The following SLCO3A1 variants were observed in gnomAD, a reference collection of about 807,000 sequenced individuals.
The protein encoded by SLCO3A1 is solute carrier organic anion transporter family member 3A1, also known as PGE1 transporter.
Under a neutral mutation model 63.1 loss-of-function variants are expected in SLCO3A1, and 27 were observed. The observed-to-expected ratio is 0.43, with a 90% confidence interval of 0.32 to 0.59. The LOEUF (loss-of-function observed/expected upper bound fraction) is 0.59, where lower values mean the gene tolerates loss of function less well. Among genes scored for constraint, SLCO3A1 ranks in the 20% least tolerant of loss-of-function variants. SLCO3A1 has a pLI of 0.09. For missense variants in SLCO3A1, 773 were observed against 945.8 expected (o/e 0.82, Z 2.40); for synonymous variants, 473 against 409.9 (o/e 1.15, Z -1.86).
At chr15:92,002,003 A>G (rs942948206) in intron 2 of SLCO3A1, among the ~76,000 whole-genome samples, 2 of 151,870 alleles carry the variant, frequency 1.3e-5, no homozygotes, top group Admixed American at 6.6e-5. Context: ...GGATCATTAG[A>G]GCCTCCTCTT....
At chr15:92,000,698 A>G (rs1283734936) in intron 2 of SLCO3A1, among the ~76,000 whole-genome samples, 2 of 152,274 alleles carry the variant, frequency 1.3e-5, no homozygotes, top group Admixed American at 6.5e-5. Flanking sequence ...AGCAACAGCC[A>G]TCAGCACTTT....
chr15:91,871,751 TTTG>T (rs1242550017), intron 1 of SLCO3A1, among the ~76,000 whole-genome samples: 5 of 117,222 alleles, frequency 4.3e-5, no homozygotes, highest in African/African-American at 1.9e-4. Flanking sequence ...GTGTGCTCAT[TTTG>T]TTTTTTTTTG....
chr15:91,985,525 T>C (rs577488666), intron 2 of SLCO3A1, among the ~76,000 whole-genome samples: 1 of 152,348 alleles, frequency 6.6e-6, no homozygotes, highest in South Asian at 2.1e-4. Flanking sequence ...TCATTGTTAG[T>C]AATACTGCCC....
chr15:91,935,837 C>A (rs563050005), intron 2 of SLCO3A1, among the ~76,000 whole-genome samples: 18 of 148,058 alleles, frequency 1.2e-4, no homozygotes, highest in African/African-American at 4.2e-4. Flanking sequence ...TTCTGTTTAA[C>A]CAATCTCAGT....
At chr15:92,142,636 G>A (rs948602524) in intron 7 of SLCO3A1, among the ~76,000 whole-genome samples, 4 of 152,112 alleles carry the variant, frequency 2.6e-5, no homozygotes, top group South Asian at 2.1e-4. Context: ...CCTTTGTTTC[G>A]GCTGCAAATC....
In SLCO3A1 at chr15:92,033,453, G is replaced by A. The variant is rs900796910; in HGVS notation, c.647-61428G>A. Reference sequence around the variant, plus strand: ...CACGCTTGGGCAGCTGGATGGACACGTCGTGGAGTGAAAACCTAAAGGGAA... The same window carrying A: ...CACGCTTGGGCAGCTGGATGGACACATCGTGGAGTGAAAACCTAAAGGGAA... On this transcript the variant is annotated intron_variant, in intron 2 of 9. Transcript: ENST00000318445. The surrounding 1 kb of genome is among the most constrained non-coding windows in gnomAD (Gnocchi z 4.5). Among the ~76,000 whole-genome samples the A allele has an allele frequency of 7.9e-5, 12 of 152,304 alleles. No homozygotes were observed. The South Asian group carries it at 1.9e-3, about 24-fold the overall frequency.
chr15:91,988,541 A>C (rs2046084325), intron 2 of SLCO3A1, among the ~76,000 whole-genome samples: 1 of 141,194 alleles, frequency 7.1e-6, no homozygotes, highest in Admixed American at 7.0e-5. Context: ...ATAAAAAGGA[A>C]ACGTGCAGAT....
intron 7 of SLCO3A1, among the ~76,000 whole-genome samples, chr15:92,139,303 G>C (rs1237009162): frequency 1.4e-5 from 2 of 147,690 alleles, no homozygotes; most frequent in Non-Finnish European, 3.0e-5. Flanking sequence ...TATTGAACCA[G>C]CCTTGCATCC....
chr15:92,049,552 C>G (rs972093147), intron 2 of SLCO3A1, among the ~76,000 whole-genome samples: 1 of 152,150 alleles, frequency 6.6e-6, no homozygotes, highest in Non-Finnish European at 1.5e-5. Context: ...CCACAGCATC[C>G]TACAAAGTGA....
At chr15:92,097,181 G>C (rs1003312341) in intron 3 of SLCO3A1, among the ~76,000 whole-genome samples, 1 of 152,174 alleles carries the variant, frequency 6.6e-6, no homozygotes, top group African/African-American at 2.4e-5. Flanking sequence ...TATCTGAGCT[G>C]GAAAGAGCCT....
At chr15:91,868,803 A>T (rs1897228423) in intron 1 of SLCO3A1, among the ~76,000 whole-genome samples, 1 of 152,276 alleles carries the variant, frequency 6.6e-6, no homozygotes, top group Non-Finnish European at 1.5e-5. Flanking sequence ...CGTGATTTTT[A>T]AAAAGTAATA....
Position 92,074,772 on chromosome 15 carries a change from G to T in SLCO3A1, c.647-20109G>T, listed in dbSNP as rs547138774. 8.3e-5 allele frequency among the ~76,000 whole-genome samples: 7 copies of T among 84,422 alleles called. No homozygotes were observed. The South Asian group carries it at 1.8e-3, about 22-fold the overall frequency. The allele number at this position is 84,422 out of a possible 152,430, so 55.4% of individuals were successfully genotyped here. Reference sequence around the variant, plus strand: ...CTGGGAATCTCGAGAGAGCTGACAAGCAGGGCGGTGGGGGGTGGCCAGGAG... The same window carrying T: ...CTGGGAATCTCGAGAGAGCTGACAATCAGGGCGGTGGGGGGTGGCCAGGAG... On this transcript the variant is annotated intron_variant, in intron 2 of 9. Coordinates refer to ENST00000318445, the MANE Select transcript of SLCO3A1 (RefSeq NM_013272.4).
chr15:92,133,435 AGTCTGCG>A (rs2151573468), intron 7 of SLCO3A1, among the ~76,000 whole-genome samples: 1 of 146,304 alleles, frequency 6.8e-6, no homozygotes, highest in South Asian at 2.2e-4. Flanking sequence ...CACCAGTGCC[AGTCTGCG>A]GTACTGGTAC....
At chr15:92,069,774 G>C (rs1467899554) in intron 2 of SLCO3A1, among the ~76,000 whole-genome samples, 1 of 152,168 alleles carries the variant, frequency 6.6e-6, no homozygotes, top group South Asian at 2.1e-4. Context: ...AATGATGAAT[G>C]AGTCACGAAG....
Position 92,163,454 on chromosome 15 carries a change from G to T in SLCO3A1, c.*319G>T. 1 of 1,047,614 alleles carries T rather than the reference G, an allele frequency of 9.5e-7. No homozygotes were observed. Among genetic ancestry groups the T allele is most frequent in the Non-Finnish European group, 1.1e-6 (1 of 871,434 alleles). The allele number at this position is 1,047,614 out of a possible 1,614,324, so 64.9% of individuals were successfully genotyped here. ...AAGCAACAGGCACTGCCAAATTCAG[G>T]GAACAGTGGTGGCCAGCTTGGAGGA... On this transcript the variant is annotated 3_prime_UTR_variant, in exon 10 of 10. Transcript: ENST00000318445.
rs774437426 is a variant in SLCO3A1, at chr15:91,886,272, A to G, written c.181-29721A>G. 1.3e-5 allele frequency among the ~76,000 whole-genome samples: 2 copies of G among 152,212 alleles called. No individual in the cohort carries two copies. Among genetic ancestry groups the G allele is most frequent in the African/African-American group, 4.8e-5 (2 of 41,444 alleles). The stretch of plus-strand genomic sequence containing the variant: ...TAGAGGATTGTATCTTTTTCTCACC[A>G]GCTAACTCTTACTAATTAGAAATTG... On this transcript the variant is annotated intron_variant, in intron 1 of 9. Coordinates refer to ENST00000318445, the MANE Select transcript of SLCO3A1 (RefSeq NM_013272.4). This position sits in a 1 kb window ranked among gnomAD's most constrained non-coding sequence, Gnocchi z 4.9.
At chr15:92,151,102 GGTCT>G (rs2048299753) in intron 9 of SLCO3A1, 88 bp downstream of exon 9, 2 of 922,800 alleles carry the variant, frequency 2.2e-6, no homozygotes, top group Non-Finnish European at 1.7e-6. Context: ...CCATTTCCTA[GGTCT>G]GTCTCTTTTT....
chr15:92,131,325 G>T (rs888614431), intron 7 of SLCO3A1, among the ~76,000 whole-genome samples: 2 of 150,628 alleles, frequency 1.3e-5, no homozygotes, highest in Admixed American at 1.3e-4. Context: ...TCTGGCCCTG[G>T]CTGCCTCTCC....
intron 2 of SLCO3A1, among the ~76,000 whole-genome samples, chr15:91,919,684 C>T (rs761932491): frequency 1.3e-5 from 2 of 151,958 alleles, no homozygotes; most frequent in Admixed American, 1.3e-4. Context: ...GAACACAAGT[C>T]GTATTTGCTT....
Sources: gnomAD v4.1 joint callset for allele counts (sites outside exome capture counted in the v4.1 genomes callset) on GRCh38, gnomAD v4.1.1 for gene constraint, Gnocchi (gnomAD v3.1) non-coding constraint, MANE v1.5 for transcripts, NCBI Gene and HGNC (gene_info 2026-07-23, HGNC 2026-07-21) for gene names.